CHM: variants seen among roughly 807,000 people sequenced by gnomAD.
CHM encodes CHM Rab escort protein, also known as rab proteins geranylgeranyltransferase component A 1.
CHM carries 10 observed loss-of-function variants against 49.0 expected under a neutral mutation model. The ratio of observed to expected loss-of-function variants is 0.20; its 90% CI spans 0.13 to 0.35. CHM has a LOEUF of 0.35. Among genes scored for constraint, CHM ranks in the 10% least tolerant of loss-of-function variants. The pLI, the probability that CHM is intolerant of heterozygous loss-of-function variation, is 1.00. For synonymous variants in CHM, 184 were observed against 167.5 expected, an observed-to-expected ratio of 1.10 and a Z score of -0.76; for missense variants, 455 against 478.4, an observed-to-expected ratio of 0.95 and a Z score of 0.46.
intron 8 of CHM, among the ~76,000 whole-genome samples, chrX:85,922,492 T>A (rs1927852250): frequency 8.9e-6 from 1 of 112,611 alleles, no homozygotes; most frequent in Admixed American, 9.4e-5. Context: ...CCAAGATCCC[T>A]GCTAAGACTC....
intron 8 of CHM, among the ~76,000 whole-genome samples, chrX:85,914,948 C>A: frequency 9.0e-6 from 1 of 110,862 alleles, no homozygotes; most frequent in Middle Eastern, 4.6e-3. Context: ...GTGAGCTGAG[C>A]CTTGGCCACC....
intron 2 of CHM, among the ~76,000 whole-genome samples, chrX:86,005,278 A>T (rs1446594840): frequency 1.8e-5 from 2 of 112,255 alleles, no homozygotes; most frequent in Non-Finnish European, 3.8e-5. Flanking sequence ...GCAGAAGGAA[A>T]TTTATAGCAC....
chrX:86,002,884 G>A (rs1003696661), intron 2 of CHM, among the ~76,000 whole-genome samples: 8 of 112,071 alleles, frequency 7.1e-5, no homozygotes, highest in Non-Finnish European at 1.1e-4. Flanking sequence ...GAGAGCAGTC[G>A]TTCTCCCAAC....
At chrX:85,917,216 T>A (rs1927508607) in intron 8 of CHM, among the ~76,000 whole-genome samples, 1 of 111,399 alleles carries the variant, frequency 9.0e-6, no homozygotes, top group Non-Finnish European at 1.9e-5. Context: ...TACTACTTGT[T>A]GTCACTTATA....
At chrX:86,037,600 T>C (rs1229248267) in intron 1 of CHM, among the ~76,000 whole-genome samples, 1 of 109,887 alleles carries the variant, frequency 9.1e-6, no homozygotes, top group African/African-American at 3.3e-5. Context: ...ACATGACCTT[T>C]ACTGCATTAC....
At chrX:85,870,083 ATTCTTG>A (rs1923952011) in intron 14 of CHM, among the ~76,000 whole-genome samples, 1 of 111,788 alleles carries the variant, frequency 8.9e-6, no homozygotes, top group African/African-American at 3.3e-5. Flanking sequence ...GTTGAGTTTA[ATTCTTG>A]GCTCAAGAAC....
intron 14 of CHM, among the ~76,000 whole-genome samples, chrX:85,866,831 C>T (rs1923730608): frequency 8.8e-6 from 1 of 113,042 alleles, no homozygotes; most frequent in African/African-American, 3.2e-5. Flanking sequence ...GGGCCTATGG[C>T]CCCTTTGTTT....
At chrX:86,006,932 A>C (rs1238568563) in intron 2 of CHM, among the ~76,000 whole-genome samples, 9 of 111,822 alleles carry the variant, frequency 8.0e-5, no homozygotes, top group African/African-American at 2.9e-4. Flanking sequence ...ATGGAACCAA[A>C]AAAGAGCCCA....
At chrX:86,002,785 A>T (rs1174113549) in intron 2 of CHM, among the ~76,000 whole-genome samples, 1 of 112,709 alleles carries the variant, frequency 8.9e-6, no homozygotes, top group South Asian at 3.6e-4. Context: ...TACTGCCTCT[A>T]GACTCCAACT....
chrX:86,007,562 A>C (rs1255501598), intron 2 of CHM, among the ~76,000 whole-genome samples: 2 of 112,429 alleles, frequency 1.8e-5, no homozygotes, highest in African/African-American at 6.5e-5. Flanking sequence ...ACAGATTTAC[A>C]AGAAAAAAAC....
intron 2 of CHM, among the ~76,000 whole-genome samples, chrX:86,004,003 A>G (rs1468306687): frequency 8.9e-6 from 1 of 112,207 alleles, no homozygotes; most frequent in Admixed American, 9.4e-5. Context: ...TGTTAAGGGC[A>G]GCCAGAGAGA....
intron 1 of CHM, among the ~76,000 whole-genome samples, chrX:86,043,019 G>C (rs1263747961): frequency 1.8e-5 from 2 of 111,162 alleles, no homozygotes; most frequent in Non-Finnish European, 3.8e-5. Flanking sequence ...CATTTTTATA[G>C]GAAAATTTCT....
At chrX:86,042,138 A>G (rs1934490632) in intron 1 of CHM, among the ~76,000 whole-genome samples, 1 of 111,284 alleles carries the variant, frequency 9.0e-6, no homozygotes, top group Admixed American at 9.6e-5. Context: ...ATGAGCTGCC[A>G]GTCAAGGTTA....
intron 8 of CHM, among the ~76,000 whole-genome samples, chrX:85,931,889 G>A (rs1928457221): frequency 8.9e-6 from 1 of 112,425 alleles, no homozygotes; most frequent in Non-Finnish European, 1.9e-5. Flanking sequence ...TCCTGCCAGA[G>A]AGGACCTCAA....
At chrX:85,913,665 T>C (rs1289049416) in intron 8 of CHM, among the ~76,000 whole-genome samples, 1 of 111,110 alleles carries the variant, frequency 9.0e-6, no homozygotes. Flanking sequence ...TGTGTTGTTA[T>C]AAGCTACTAA....
chrX:85,866,712 G>A (rs1923721582), intron 14 of CHM, among the ~76,000 whole-genome samples: 1 of 113,162 alleles, frequency 8.8e-6, no homozygotes, highest in Admixed American at 9.3e-5. Context: ...CCAAGGCTGT[G>A]GGAGCCTAGC....
chrX:85,986,061 C>T (rs1287058444), intron 2 of CHM, among the ~76,000 whole-genome samples: 2 of 111,198 alleles, frequency 1.8e-5, no homozygotes, highest in East Asian at 5.7e-4. Flanking sequence ...AAGTGCCTTA[C>T]CCAAACCTCC....
chrX:86,010,402 C>A (rs1933025267), intron 2 of CHM, among the ~76,000 whole-genome samples: 1 of 106,966 alleles, frequency 9.3e-6, no homozygotes, highest in African/African-American at 3.4e-5. Flanking sequence ...CAAATAAGGT[C>A]TGTAGTTAAT....
chrX:85,918,788 AGG>A (rs1927607600), intron 8 of CHM, among the ~76,000 whole-genome samples: 1 of 112,059 alleles, frequency 8.9e-6, no homozygotes, highest in Non-Finnish European at 1.9e-5. Flanking sequence ...AAGACAAAGA[AGG>A]GCATTACATA....
Sources: allele counts gnomAD v4.1 joint callset (sites outside exome capture counted in the v4.1 genomes callset), GRCh38; gene constraint gnomAD v4.1.1; transcripts MANE v1.5; gene names NCBI Gene and HGNC (gene_info 2026-07-23, HGNC 2026-07-21).